ADHFE1: variants seen among roughly 807,000 people sequenced by gnomAD.
ADHFE1 encodes the protein hydroxyacid-oxoacid transhydrogenase, mitochondrial.
ADHFE1 carries 37 observed loss-of-function variants against 54.8 expected under a neutral mutation model. The ratio of observed to expected loss-of-function variants is 0.68; its 90% CI spans 0.52 to 0.89. ADHFE1 has a LOEUF of 0.89. Among genes scored for constraint, ADHFE1 ranks in the 40% least tolerant of loss-of-function variants. The pLI, the probability that ADHFE1 is intolerant of heterozygous loss-of-function variation, is 0.00. For missense variants in ADHFE1, 601 were observed against 591.2 expected, an observed-to-expected ratio of 1.02 and a Z score of -0.17; for synonymous variants, 203 against 229.3, an observed-to-expected ratio of 0.89 and a Z score of 1.04.
At position 66,456,913 on chromosome 8, in the gene ADHFE1, A is replaced by C. The variant is rs2130453933; in HGVS notation, c.1065+18A>C. 6.8e-7 allele frequency: 1 copy of C among 1,466,496 alleles called. No individual in the cohort carries two copies. Among genetic ancestry groups the C allele is most frequent in the African/African-American group, 1.5e-5 (1 of 68,826 alleles). The allele number at this position is 1,466,496 out of a possible 1,614,324, so 90.8% of individuals were successfully genotyped here. A position where few individuals can be genotyped will look rare whatever the true frequency, so the allele number is the denominator to read the frequency against. On this transcript the variant is annotated intron_variant, in intron 11 of 13. Transcript: ENST00000396623. ...CACTGGTGGTAAAATCATAAGAATAAATTATTTAATTAAATATTATAATCA... is the reference window on the plus strand; with the variant it reads ...CACTGGTGGTAAAATCATAAGAATACATTATTTAATTAAATATTATAATCA...
At chr8:66,432,702 G>T (rs555260803) in intron 1 of ADHFE1, 127 bp downstream of exon 1, 3 of 1,233,734 alleles carry the variant, frequency 2.4e-6, no homozygotes, top group Middle Eastern at 2.3e-4. Flanking sequence ...TTTGGATACC[G>T]CCCTGGGCTC....
chr8:66,442,974 C>A, intron 3 of ADHFE1, 130 bp downstream of exon 3: 3 of 835,340 alleles, frequency 3.6e-6, no homozygotes, highest in Non-Finnish European at 3.6e-6. Context: ...TCTATTTGAT[C>A]AGACCATATT....
intron 13 of ADHFE1, among the ~76,000 whole-genome samples, chr8:66,466,156 C>T (rs62511222): frequency 0.19 from 28,638 of 150,652 alleles, 2,933 homozygotes; most frequent in African/African-American, 0.24. Flanking sequence ...GCAATCTCCA[C>T]CTCCCAGGCT....
rs141820043 is a variant in ADHFE1 at position 66,459,922 on chromosome 8, G to A, written c.1163-386G>A. On this transcript the variant is annotated intron_variant, in intron 12 of 13. Coordinates refer to ENST00000396623, the MANE Select transcript of ADHFE1 (RefSeq NM_144650.3). Reference sequence around the variant, plus strand: ...CTAAGATGTTGCTGTGGGAAAAGACGTTGAACACATCATACACCTCTAGAT... The same window carrying A: ...CTAAGATGTTGCTGTGGGAAAAGACATTGAACACATCATACACCTCTAGAT... 314 of 163,060 alleles carry A rather than the reference G, an allele frequency of 1.9e-3. 2 individuals are homozygous for A. Among genetic ancestry groups the A allele is most frequent in the African/African-American group, 6.2e-3 (261 of 41,950 alleles). 10.1% of individuals were successfully genotyped at this position (163,060 alleles called of 1,614,324 possible).
intron 10 of ADHFE1, among the ~76,000 whole-genome samples, chr8:66,455,241 C>T (rs969690310): frequency 1.3e-5 from 2 of 152,178 alleles, no homozygotes; most frequent in African/African-American, 4.8e-5. Flanking sequence ...GTTTTACATT[C>T]CCACCTGCAG....
At position 66,439,343 on chromosome 8, in the gene ADHFE1, C is replaced by T; in HGVS notation, c.60-819C>T. Reference sequence around the variant, plus strand: ...ACCCAACGAAACATAAAACCGTCTTCCCAGCCTCGATCAGAGAGCGAGCAG... The same window carrying T: ...ACCCAACGAAACATAAAACCGTCTTTCCAGCCTCGATCAGAGAGCGAGCAG... On this transcript the variant is annotated intron_variant, in intron 1 of 13. Transcript: ENST00000396623. This position sits in a 1 kb window ranked among gnomAD's most constrained non-coding sequence, Gnocchi z 4.4. The T allele has an allele frequency of 1.0e-6, 1 of 985,736 alleles. No homozygotes were observed. Among genetic ancestry groups the T allele is most frequent in the Non-Finnish European group, 1.2e-6 (1 of 830,206 alleles). The allele number at this position is 985,736 out of a possible 1,614,324, so 61.1% of individuals were successfully genotyped here.
intron 13 of ADHFE1, 125 bp downstream of exon 13, chr8:66,460,590 C>A: frequency 8.7e-7 from 1 of 1,144,900 alleles, no homozygotes; most frequent in Non-Finnish European, 1.2e-6. Context: ...CGGGTCTCCT[C>A]CACAGCAGAC....
chr8:66,432,834 T>C (rs1338903398), intron 1 of ADHFE1: 1 of 1,222,452 alleles, frequency 8.2e-7, no homozygotes. Flanking sequence ...AGAGAGGACC[T>C]GGTCCCACAT....
intron 10 of ADHFE1, 29 bp from the exon 11 acceptor site, chr8:66,456,788 T>C: frequency 6.4e-7 from 1 of 1,551,178 alleles, no homozygotes; most frequent in Non-Finnish European, 8.9e-7. Context: ...TAACTGTGTA[T>C]GAACATAAGG....
intron 8 of ADHFE1, among the ~76,000 whole-genome samples, chr8:66,450,095 C>G (rs984137519): frequency 2.0e-5 from 3 of 152,194 alleles, no homozygotes; most frequent in Non-Finnish European, 4.4e-5. Context: ...ACATCCAGGT[C>G]CCCCAGGGCC....
In ADHFE1 at chr8:66,442,856, C is replaced by T. The variant is rs1805830397; in HGVS notation, c.144+12C>T. On this transcript the variant is annotated intron_variant, in intron 3 of 13. Coordinates refer to ENST00000396623, the MANE Select transcript of ADHFE1 (RefSeq NM_144650.3). ...ATTATGCCTTTGAGGTATATTCACT[C>T]AATCCATTATTTCTTTTATGAATGA... is the stretch of plus-strand genomic sequence containing the variant. 6.4e-7 allele frequency: 1 copy of T among 1,564,748 alleles called. No homozygotes were observed. The highest frequency in any genetic ancestry group is 8.6e-7 in the Non-Finnish European group (1 of 1,160,144).
At chr8:66,441,800 C>A (rs1361819100) in intron 2 of ADHFE1, among the ~76,000 whole-genome samples, 1 of 151,766 alleles carries the variant, frequency 6.6e-6, no homozygotes, top group Non-Finnish European at 1.5e-5. Context: ...TGTGAAACCC[C>A]GTCCCTACTA....
intron 1 of ADHFE1, among the ~76,000 whole-genome samples, chr8:66,433,457 T>G (rs1271020060): frequency 6.6e-6 from 1 of 152,218 alleles, no homozygotes; most frequent in East Asian, 1.9e-4. Flanking sequence ...ACACTTTGAA[T>G]GGACTATCAG....
chr8:66,433,669 G>T (rs1481607564), intron 1 of ADHFE1, among the ~76,000 whole-genome samples: 1 of 152,208 alleles, frequency 6.6e-6, no homozygotes, highest in Non-Finnish European at 1.5e-5. Flanking sequence ...ATTGTGTGCT[G>T]TAGATAATGG....
rs540464621 is a variant in ADHFE1 at position 66,443,264 on chromosome 8, A to ATT, written c.144+451_144+452dup. ...GTCCCTGTCTCCTCCTAGTCCAGGA[A>ATT]TTTTTTTTTTTTTTTTTTTTTTTTT... On this transcript the variant is annotated intron_variant, in intron 3 of 13. Transcript: ENST00000396623. Among the ~76,000 whole-genome samples the ATT allele has an allele frequency of 1.6e-3, 138 of 86,078 alleles. 9 individuals carry two copies. The highest frequency in any genetic ancestry group is 3.1e-3 in the African/African-American group (76 of 24,142). The allele number at this position is 86,078 out of a possible 152,430, so 56.5% of individuals were successfully genotyped here.
chr8:66,462,501 C>T (rs1806954035), intron 13 of ADHFE1, among the ~76,000 whole-genome samples: 1 of 152,194 alleles, frequency 6.6e-6, no homozygotes, highest in Admixed American at 6.5e-5. Flanking sequence ...ATCCTCCTGC[C>T]TTGGCTTCCC....
chr8:66,442,572 A>G (rs1805815346), intron 2 of ADHFE1, among the ~76,000 whole-genome samples: 1 of 152,046 alleles, frequency 6.6e-6, no homozygotes, highest in Non-Finnish European at 1.5e-5. Flanking sequence ...CAGCCTCCCA[A>G]AGTGCTGGGA....
rs1259311320 is a variant in ADHFE1 at position 66,454,055 on chromosome 8, A to G, written c.888-4A>G. 4 of 1,613,986 alleles carry G rather than the reference A, an allele frequency of 2.5e-6. No individual in the cohort carries two copies. In the African/African-American group the frequency reaches 4.0e-5, roughly 16 times the overall value. Reference sequence around the variant, plus strand: ...TTATTGTTAGGTATTTATATCATTCACAGGGCTGTCAGAAATCCCGATGAT... The same window carrying G: ...TTATTGTTAGGTATTTATATCATTCGCAGGGCTGTCAGAAATCCCGATGAT... On this transcript the variant is annotated splice_region_variant and splice_polypyrimidine_tract_variant and intron_variant, in intron 9 of 13. Coordinates refer to ENST00000396623, the MANE Select transcript of ADHFE1 (RefSeq NM_144650.3).
At chr8:66,447,690 A>G (rs1806100150) in intron 7 of ADHFE1, among the ~76,000 whole-genome samples, 1 of 152,228 alleles carries the variant, frequency 6.6e-6, no homozygotes, top group Non-Finnish European at 1.5e-5. Context: ...GGAGCCAAGG[A>G]AAGGGTTTGT....
Sources: allele counts gnomAD v4.1 joint callset (sites outside exome capture counted in the v4.1 genomes callset), GRCh38; gene constraint gnomAD v4.1.1; non-coding constraint Gnocchi (gnomAD v3.1); transcripts MANE v1.5; gene names NCBI Gene and HGNC (gene_info 2026-07-23, HGNC 2026-07-21).